Variants in LYNX1 observed in about 807,000 individuals in gnomAD.
LYNX1 encodes Ly6/neurotoxin 1.
A neutral mutation model predicts 8.3 loss-of-function variants in LYNX1; 8 were observed. The observed-to-expected ratio is 0.97, with a 90% confidence interval of 0.57 to 1.74. The LOEUF is 1.74. LYNX1 is among the 40% of genes most tolerant of loss of function. The pLI is 0.00. For synonymous variants in LYNX1, 73 were observed against 67.9 expected (o/e 1.08, Z -0.37); for missense variants, 158 against 159.7 (o/e 0.99, Z 0.06).
chr8:142,773,446 G>C lies in LYNX1; in HGVS notation c.*1721C>G. 1.0e-6 allele frequency: 1 copy of C among 985,516 alleles called. No homozygotes were observed. Among genetic ancestry groups the C allele is most frequent in the Non-Finnish European group, 1.2e-6 (1 of 830,016 alleles). The allele number at this position is 985,516 out of a possible 1,614,324, so 61.0% of individuals were successfully genotyped here. A position where few individuals can be genotyped will look rare whatever the true frequency, so the allele number is the denominator to read the frequency against. ...AGTATGATGCCCATCTTCCCTCTGG[G>C]GAGTCACGTTCCTCCCGCTCCGGGC... On this transcript the variant is annotated 3_prime_UTR_variant, in exon 4 of 4. Transcript: ENST00000652477.
Position 142,771,966 on chromosome 8 carries a change from G to A in LYNX1, c.*3201C>T, listed in dbSNP as rs1289844436. The A allele has an allele frequency of 1.9e-5, 19 of 985,962 alleles. No homozygotes were observed. Among genetic ancestry groups the A allele is most frequent in the African/African-American group, 7.0e-5 (4 of 57,192 alleles). The allele number at this position is 985,962 out of a possible 1,614,324, so 61.1% of individuals were successfully genotyped here. ...CCCCAGGGTCACTTCCTGTAGCTCCGACTTCTCTAGTGGCTGATTGCAGTT... is the reference window on the plus strand; with the variant it reads ...CCCCAGGGTCACTTCCTGTAGCTCCAACTTCTCTAGTGGCTGATTGCAGTT... On this transcript the variant is annotated 3_prime_UTR_variant, in exon 4 of 4. Transcript: ENST00000652477.
At position 142,772,230 on chromosome 8, in the gene LYNX1, A is replaced by G; in HGVS notation, c.*2937T>C. 2 of 985,978 alleles carry G rather than the reference A, an allele frequency of 2.0e-6. No homozygotes were observed. Among genetic ancestry groups the G allele is most frequent in the African/African-American group, 3.5e-5 (2 of 57,362 alleles). 61.1% of individuals were successfully genotyped at this position (985,978 alleles called of 1,614,324 possible). On this transcript the variant is annotated 3_prime_UTR_variant, in exon 4 of 4. Coordinates refer to ENST00000652477, the MANE Select transcript of LYNX1 (RefSeq NM_177477.4). ...ACAGTGGCAACAGCTAGCCCTGGGC[A>G]TCTACCCCCATGAAGGGGACCCTCG...
At position 142,773,336 on chromosome 8, in the gene LYNX1, C is replaced by A. The variant is rs1298649142; in HGVS notation, c.*1831G>T. 4 of 985,526 alleles carry A rather than the reference C, an allele frequency of 4.1e-6. No individual in the cohort carries two copies. Among genetic ancestry groups the A allele is most frequent in the Middle Eastern group, 5.2e-4 (1 of 1,938 alleles). The allele number at this position is 985,526 out of a possible 1,614,324, so 61.0% of individuals were successfully genotyped here. A position where few individuals can be genotyped will look rare whatever the true frequency, so the allele number is the denominator to read the frequency against. On this transcript the variant is annotated 3_prime_UTR_variant, in exon 4 of 4. Coordinates refer to ENST00000652477, the MANE Select transcript of LYNX1 (RefSeq NM_177477.4). ...CCGGTCCTGCTCTCCAGGCTTAGGG[C>A]TACAGCCACAACCACTGGGGGTAGG...
chr8:142,774,777 C>T lies in LYNX1; in HGVS notation c.*390G>A. 1 of 1,067,764 alleles carries T rather than the reference C, an allele frequency of 9.4e-7. No homozygotes were observed. Among genetic ancestry groups the T allele is most frequent in the African/African-American group, 1.6e-5 (1 of 60,726 alleles). The allele number at this position is 1,067,764 out of a possible 1,614,324, so 66.1% of individuals were successfully genotyped here. Reference sequence around the variant, plus strand: ...CCCACCTGCGGGCATTCCTTGTCTTCCCCCTGCCCCAGCACACCAGGGGCA... The same window carrying T: ...CCCACCTGCGGGCATTCCTTGTCTTTCCCCTGCCCCAGCACACCAGGGGCA... On this transcript the variant is annotated 3_prime_UTR_variant, in exon 4 of 4. Transcript: ENST00000652477.
Position 142,774,482 on chromosome 8 carries a change from G to C in LYNX1, c.*685C>G. 2.0e-6 allele frequency: 2 copies of C among 985,746 alleles called. No individual in the cohort carries two copies. The highest frequency in any genetic ancestry group is 2.4e-6 in the Non-Finnish European group (2 of 830,148). The allele number at this position is 985,746 out of a possible 1,614,324, so 61.1% of individuals were successfully genotyped here. A position where few individuals can be genotyped will look rare whatever the true frequency, so the allele number is the denominator to read the frequency against. The stretch of plus-strand genomic sequence containing the variant: ...CCCGTGAGGGGGTGGGAAACGTCAA[G>C]GGGTTTGACTGAGAGGACACACACC... On this transcript the variant is annotated 3_prime_UTR_variant, in exon 4 of 4. Transcript: ENST00000652477.
intron 3 of LYNX1, 90 bp from the exon 4 acceptor site, chr8:142,775,453 G>A (rs1815373298): frequency 1.3e-6 from 2 of 1,578,462 alleles, no homozygotes; most frequent in Non-Finnish European, 8.6e-7. Context: ...CATCAGGGCA[G>A]GGCCCCTCAG....
chr8:142,775,861 C>T, intron 2 of LYNX1, 45 bp downstream of exon 2: 1 of 1,611,090 alleles, frequency 6.2e-7, no homozygotes, highest in East Asian at 2.2e-5. Flanking sequence ...GCCCATCTGC[C>T]CTCAAAGTGG....
upstream of LYNX1, chr8:142,777,770 G>C: frequency 2.5e-6 from 1 of 397,928 alleles, no homozygotes; most frequent in Non-Finnish European, 4.4e-6. Flanking sequence ...TGTTCAGCCC[G>C]GACACTCCGC....
rs1288074723 is a variant in LYNX1 at position 142,772,526 on chromosome 8, C to T, written c.*2641G>A. 4 of 985,358 alleles carry T rather than the reference C, an allele frequency of 4.1e-6. No homozygotes were observed. Among genetic ancestry groups the T allele is most frequent in the Non-Finnish European group, 4.8e-6 (4 of 829,956 alleles). 61.0% of individuals were successfully genotyped at this position (985,358 alleles called of 1,614,324 possible). On this transcript the variant is annotated 3_prime_UTR_variant, in exon 4 of 4. Transcript: ENST00000652477. ...TGTGGTGCAGGGGGTGGTGAGTGAG[C>T]GAGGAGGCACTAGTGTGGGGCAGCT... is the stretch of plus-strand genomic sequence containing the variant.
rs200454340 is a variant in LYNX1 at position 142,775,236 on chromosome 8, G to A, written c.282C>T (p.Thr94=). The part of the protein sequence containing the change: ...SCCQYDLCNG[T]GLATPATLAL... ...CCAGGGTGGCCGGGGTGGCAAGGCC[G>A]GTGCCGTTGCAGAGGTCGTACTGGC... The change falls in exon 4 of 4, where the codon ACC becomes ACT. Residue 94 remains threonine, a synonymous_variant. Coordinates refer to ENST00000652477, the MANE Select transcript of LYNX1 (RefSeq NM_177477.4). 4.2e-5 allele frequency: 68 copies of A among 1,613,598 alleles called. No individual in the cohort carries two copies. The African/African-American group carries it at 7.3e-4, about 17-fold the overall frequency.
chr8:142,776,536 G>A (rs1298405139), intron 1 of LYNX1: 1 of 162,422 alleles, frequency 6.2e-6, no homozygotes, highest in African/African-American at 2.4e-5. Flanking sequence ...GCCATGGCAG[G>A]ACTGGGCCCA....
rs1201719171 is a variant in LYNX1 at position 142,775,949 on chromosome 8, G to A, written c.9C>T (p.Pro3=). ...GGACCACCAGGATCAGGGTGAGCAG[G>A]GGCGTCATGGCTGCAGGCAGGAGGG... is the stretch of plus-strand genomic sequence containing the variant. The part of the protein sequence containing the change: MT[P]LLTLILVVLM... The change falls in exon 2 of 4, where the codon CCC becomes CCT. Residue 3 remains proline (P), a synonymous_variant. Transcript: ENST00000652477. 6.2e-6 allele frequency: 10 copies of A among 1,614,106 alleles called. No individual in the cohort carries two copies. The highest frequency in any genetic ancestry group is 8.5e-6 in the Non-Finnish European group (10 of 1,180,028).
rs753679195 is a variant in LYNX1, at chr8:142,775,628, G to C, written c.119C>G (p.Pro40Arg). 1 of 1,601,990 alleles carries C rather than the reference G, an allele frequency of 6.2e-7. No individual in the cohort carries two copies. Among genetic ancestry groups the C allele is most frequent in the South Asian group, 1.1e-5 (1 of 88,744 alleles). ...GGTCATGCAGTAGGCAACCATAGCC[G>C]GGCAGCGCATGGGGTTGAAGCAGTT... ...GDNCFNPMRC[P>R]AMVAYCMTTR... The change falls in exon 3 of 4, where the codon CCG becomes CGG. Residue 40 changes from proline (P) to arginine (R), a missense_variant. Coordinates refer to ENST00000652477, the MANE Select transcript of LYNX1 (RefSeq NM_177477.4).
At position 142,774,709 on chromosome 8, in the gene LYNX1, C is replaced by T; in HGVS notation, c.*458G>A. ...CTCCTGGCCTCAGTAGGAAGCGTGACTAGGCCTGGAGGAGCCTTTCCTCCT... is the reference window on the plus strand; with the variant it reads ...CTCCTGGCCTCAGTAGGAAGCGTGATTAGGCCTGGAGGAGCCTTTCCTCCT... On this transcript the variant is annotated 3_prime_UTR_variant, in exon 4 of 4. Transcript: ENST00000652477. 1.0e-6 allele frequency: 1 copy of T among 1,003,046 alleles called. No homozygotes were observed. The highest frequency in any genetic ancestry group is 4.4e-5 in the South Asian group (1 of 22,486). The allele number at this position is 1,003,046 out of a possible 1,614,324, so 62.1% of individuals were successfully genotyped here.
At position 142,773,659 on chromosome 8, in the gene LYNX1, T is replaced by G. The variant is rs1026633449; in HGVS notation, c.*1508A>C. On this transcript the variant is annotated 3_prime_UTR_variant, in exon 4 of 4. Transcript: ENST00000652477. ...TATAGACTCACTGCAAGGAGACCCCTGGGGTGGAGACCCTCATTCCCTGAT... is the reference window on the plus strand; with the variant it reads ...TATAGACTCACTGCAAGGAGACCCCGGGGGTGGAGACCCTCATTCCCTGAT... The G allele has an allele frequency of 1.0e-6, 1 of 985,238 alleles. No individual in the cohort carries two copies. Among genetic ancestry groups the G allele is most frequent in the African/African-American group, 1.7e-5 (1 of 57,190 alleles). 61.0% of individuals were successfully genotyped at this position (985,238 alleles called of 1,614,324 possible). A position where few individuals can be genotyped will look rare whatever the true frequency, so the allele number is the denominator to read the frequency against.
Position 142,775,184 on chromosome 8 carries a change from G to T in LYNX1, c.334C>A (p.Leu112Ile), listed in dbSNP as rs1815350633. The part of the protein sequence containing the change: ...LALAPILLAT[L>I]WGLL ...CGGGGGCTTTAGAGGAGACCCCAGA[G>T]GGTGGCCAGGAGGATGGGGGCCAGG... Residue 112 changes from leucine to isoleucine, a missense_variant, in exon 4 of 4, where the codon CTC (leucine) becomes ATC (isoleucine). Leu to Ile is a conservative substitution (Grantham distance 5). Coordinates refer to ENST00000652477, the MANE Select transcript of LYNX1 (RefSeq NM_177477.4). 3 of 1,611,862 alleles carry T rather than the reference G, an allele frequency of 1.9e-6. No individual in the cohort carries two copies. The Admixed American group carries it at 5.0e-5, about 27-fold the overall frequency.
rs1815315270 is a variant in LYNX1 at position 142,774,411 on chromosome 8, A to G, written c.*756T>C. 1 of 985,768 alleles carries G rather than the reference A, an allele frequency of 1.0e-6. No individual in the cohort carries two copies. Among genetic ancestry groups the G allele is most frequent in the South Asian group, 4.7e-5 (1 of 21,270 alleles). The allele number at this position is 985,768 out of a possible 1,614,324, so 61.1% of individuals were successfully genotyped here. A position where few individuals can be genotyped will look rare whatever the true frequency, so the allele number is the denominator to read the frequency against. Reference sequence around the variant, plus strand: ...CGGGTCAGCGTCCAGGACCCACCAAATATAGCATGGCCCTAGCTCCTGCCA... The same window carrying G: ...CGGGTCAGCGTCCAGGACCCACCAAGTATAGCATGGCCCTAGCTCCTGCCA... On this transcript the variant is annotated 3_prime_UTR_variant, in exon 4 of 4. Coordinates refer to ENST00000652477, the MANE Select transcript of LYNX1 (RefSeq NM_177477.4).
At position 142,774,145 on chromosome 8, in the gene LYNX1, G is replaced by GCCCGGGGCC; in HGVS notation, c.*1021_*1022insGGCCCCGGG. ...GCTGCGGGGGAGGGGCTGGGTCTCCGCCCTCCCCACCCCACCCTCCCCACT... is the reference window on the plus strand; with the variant it reads ...GCTGCGGGGGAGGGGCTGGGTCTCCGCCCGGGGCCCCCTCCCCACCCCACCCTCCCCACT... On this transcript the variant is annotated 3_prime_UTR_variant, in exon 4 of 4. Coordinates refer to ENST00000652477, the MANE Select transcript of LYNX1 (RefSeq NM_177477.4). The GCCCGGGGCC allele has an allele frequency of 5.1e-6, 5 of 981,844 alleles. No homozygotes were observed. Among genetic ancestry groups the GCCCGGGGCC allele is most frequent in the South Asian group, 4.7e-5 (1 of 21,128 alleles). 60.8% of individuals were successfully genotyped at this position (981,844 alleles called of 1,614,324 possible). A position where few individuals can be genotyped will look rare whatever the true frequency, so the allele number is the denominator to read the frequency against.
At chr8:142,775,836 C>T in intron 2 of LYNX1, 70 bp downstream of exon 2, 2 of 1,598,316 alleles carry the variant, frequency 1.3e-6, no homozygotes, top group East Asian at 2.2e-5. Flanking sequence ...ATTCTAGCCT[C>T]CTTCCCTACT....
Sources: gnomAD v4.1 joint callset for allele counts on GRCh38, gnomAD v4.1.1 for gene constraint, MANE v1.5 for transcripts, NCBI Gene and HGNC (gene_info 2026-07-23, HGNC 2026-07-21) for gene names.